Variants in SLC35F1 observed in about 807,000 individuals in gnomAD.
The protein encoded by SLC35F1 is solute carrier family 35 member F1, also known as chromosome 6 open reading frame 169.
In SLC35F1, 14 loss-of-function variants were observed where a neutral mutation model predicts 48.7. The observed-to-expected ratio is 0.29, with a 90% CI of 0.19 to 0.45. The LOEUF (loss-of-function observed/expected upper bound fraction) is 0.45. SLC35F1 is among the 20% of genes least tolerant of loss of function. The probability of loss-of-function intolerance (pLI) is 1.00; values close to 1 mark genes in which losing one functional copy is unlikely to be tolerated. For synonymous variants in SLC35F1, 190 were observed against 202.2 expected (o/e 0.94, Z 0.51); for missense variants, 404 against 500.0 (o/e 0.81, Z 1.83).
At chr6:118,065,433 G>T (rs1253160287) in intron 1 of SLC35F1, among the ~76,000 whole-genome samples, 1 of 152,098 alleles carries the variant, frequency 6.6e-6, no homozygotes, top group Non-Finnish European at 1.5e-5. Context: ...AACAAAAAAG[G>T]CATTCTGAAT....
rs1260418816 is a variant in SLC35F1, at chr6:118,297,622, T to TTATA, written c.1002+12297_1002+12300dup. ...CTAAGTTGCATTTTTTTCTCAGAACTTATATATATATATATAAAAAATATA... is the reference window on the plus strand; with the variant it reads ...CTAAGTTGCATTTTTTTCTCAGAACTTATATATATATATATATATAAAAAATATA... On this transcript the variant is annotated intron_variant, in intron 7 of 7. Transcript: ENST00000360388. Among the ~76,000 whole-genome samples, 112 of 96,928 alleles carry TTATA rather than the reference T, an allele frequency of 1.2e-3. 3 individuals are homozygous for TTATA. Among genetic ancestry groups the TTATA allele is most frequent in the African/African-American group, 4.9e-3 (109 of 22,348 alleles). The allele number at this position is 96,928 out of a possible 152,430, so 63.6% of individuals were successfully genotyped here.
At chr6:118,274,809 A>C (rs1396717053) in intron 4 of SLC35F1, among the ~76,000 whole-genome samples, 2 of 152,334 alleles carry the variant, frequency 1.3e-5, no homozygotes, top group East Asian at 3.9e-4. Context: ...TGAAAATTTC[A>C]ACCCATAAAT....
chr6:118,298,532 G>A (rs1445220370), intron 7 of SLC35F1, among the ~76,000 whole-genome samples: 1 of 152,048 alleles, frequency 6.6e-6, no homozygotes, highest in Non-Finnish European at 1.5e-5. Context: ...AAGAATCTTA[G>A]GCAGTACATA....
At chr6:118,177,035 T>C (rs1468930860) in intron 2 of SLC35F1, among the ~76,000 whole-genome samples, 2 of 152,146 alleles carry the variant, frequency 1.3e-5, no homozygotes, top group Non-Finnish European at 2.9e-5. Context: ...ATTTGCCTGA[T>C]ACCTGACCAG....
intron 1 of SLC35F1, among the ~76,000 whole-genome samples, chr6:117,985,910 T>C (rs1045865921): frequency 5.3e-5 from 8 of 152,222 alleles, no homozygotes; most frequent in East Asian, 1.9e-4. Context: ...AACTTTATTG[T>C]AAACAGAGAT....
chr6:118,310,524 A>T (rs283041), intron 7 of SLC35F1, among the ~76,000 whole-genome samples: 18,153 of 151,870 alleles, frequency 0.12, 1,401 homozygotes, highest in African/African-American at 0.21. Context: ...CTTTTTTTTT[A>T]AAAAAATAAA....
intron 1 of SLC35F1, among the ~76,000 whole-genome samples, chr6:118,121,288 G>C (rs2114402184): frequency 6.6e-6 from 1 of 152,274 alleles, no homozygotes; most frequent in Admixed American, 6.5e-5. Context: ...AGTTGGAAGG[G>C]ACTTTAAGTA....
intron 1 of SLC35F1, among the ~76,000 whole-genome samples, chr6:117,988,768 T>G (rs1399017115): frequency 3.3e-5 from 5 of 152,206 alleles, no homozygotes; most frequent in Admixed American, 6.5e-5. Flanking sequence ...ATTAAAGTCC[T>G]ATTTACAGTA....
intron 1 of SLC35F1, among the ~76,000 whole-genome samples, chr6:118,085,084 G>A (rs1030886899): frequency 4.4e-5 from 6 of 135,050 alleles, no homozygotes; most frequent in African/African-American, 7.8e-5. Flanking sequence ...CAGTTAGAAC[G>A]GGATAGTATG....
At chr6:118,114,306 T>A (rs1475654848) in intron 1 of SLC35F1, among the ~76,000 whole-genome samples, 1 of 152,108 alleles carries the variant, frequency 6.6e-6, no homozygotes, top group Non-Finnish European at 1.5e-5. Context: ...TAGGCATGGG[T>A]TCATGTTCTT....
chr6:118,266,617 C>T (rs1775776835), intron 3 of SLC35F1, among the ~76,000 whole-genome samples: 1 of 152,068 alleles, frequency 6.6e-6, no homozygotes, highest in Non-Finnish European at 1.5e-5. Flanking sequence ...AATAGGGGGA[C>T]AATGTAAAAA....
chr6:118,166,014 A>G (rs1330704482), intron 2 of SLC35F1, among the ~76,000 whole-genome samples: 1 of 152,216 alleles, frequency 6.6e-6, no homozygotes, highest in Admixed American at 6.5e-5. Context: ...GGCCTTACTA[A>G]TGAACTTCTC....
In SLC35F1 at chr6:117,997,177, A is replaced by G. The variant is rs527506297; in HGVS notation, c.173+89278A>G. ...TCAACTGGAAGAAAGGGTATCAGTG[A>G]TGGAAGATGAAATGAATGAAATGAA... On this transcript the variant is annotated intron_variant, in intron 1 of 7. Transcript: ENST00000360388. 3.1e-3 allele frequency among the ~76,000 whole-genome samples: 468 copies of G among 152,316 alleles called. 2 individuals carry two copies. Among genetic ancestry groups the G allele is most frequent in the African/African-American group, 0.011 (447 of 41,574 alleles).
Position 118,235,639 on chromosome 6 carries a change from A to G in SLC35F1, c.477+3A>G. 6.2e-7 allele frequency: 1 copy of G among 1,610,380 alleles called. No individual in the cohort carries two copies. The highest frequency in any genetic ancestry group is 8.5e-7 in the Non-Finnish European group (1 of 1,178,608). On this transcript the variant is annotated splice_donor_region_variant and intron_variant, in intron 3 of 7. Coordinates refer to ENST00000360388, the MANE Select transcript of SLC35F1 (RefSeq NM_001029858.4). ...ACACAACTCTGACCAGTATCCAGGT[A>G]CCCATGGTTCTTCTTCCCTTCTCAA...
At chr6:118,024,835 C>A (rs1173876203) in intron 1 of SLC35F1, among the ~76,000 whole-genome samples, 1 of 152,114 alleles carries the variant, frequency 6.6e-6, no homozygotes. Context: ...CTAGGGATGT[C>A]TTTATCTATA....
intron 1 of SLC35F1, among the ~76,000 whole-genome samples, chr6:118,126,229 A>C (rs1773622428): frequency 6.6e-6 from 1 of 152,162 alleles, no homozygotes; most frequent in Non-Finnish European, 1.5e-5. Flanking sequence ...TTTTGTTAGG[A>C]TTAGATGGAT....
intron 2 of SLC35F1, among the ~76,000 whole-genome samples, chr6:118,217,791 C>T (rs1473198829): frequency 1.3e-5 from 2 of 152,110 alleles, no homozygotes; most frequent in East Asian, 1.9e-4. Context: ...TGCAACATGC[C>T]TTAATTTAAA....
At chr6:117,926,420 A>T (rs1377372473) in intron 1 of SLC35F1, among the ~76,000 whole-genome samples, 1 of 152,064 alleles carries the variant, frequency 6.6e-6, no homozygotes, top group Non-Finnish European at 1.5e-5. Flanking sequence ...TTTTCGTAGC[A>T]GCATGAGGAT....
intron 1 of SLC35F1, among the ~76,000 whole-genome samples, chr6:118,048,736 A>G (rs1438564752): frequency 6.6e-6 from 1 of 152,230 alleles, no homozygotes; most frequent in Non-Finnish European, 1.5e-5. Context: ...ATGGAAGAAC[A>G]TTCCATGCTC....
Sources: gnomAD v4.1 joint callset for allele counts (sites outside exome capture counted in the v4.1 genomes callset) on GRCh38, gnomAD v4.1.1 for gene constraint, MANE v1.5 for transcripts, NCBI Gene and HGNC (gene_info 2026-07-23, HGNC 2026-07-21) for gene names.